NKAIN3: variants seen among roughly 807,000 people sequenced by gnomAD.
NKAIN3 encodes the protein sodium/potassium-transporting ATPase subunit beta-1-interacting protein 3.
Under a neutral mutation model 30.2 loss-of-function variants are expected in NKAIN3, and 25 were observed. That is an observed-to-expected ratio of 0.83 (90% CI 0.60 to 1.16). The LOEUF (loss-of-function observed/expected upper bound fraction) is 1.16, where lower values mean the gene tolerates loss of function less well. NKAIN3 is among the 50% of genes most tolerant of loss of function. The pLI is 0.00. For synonymous variants in NKAIN3, 91 were observed against 89.6 expected, an observed-to-expected ratio of 1.02 and a Z score of -0.09; for missense variants, 225 against 254.1, an observed-to-expected ratio of 0.89 and a Z score of 0.78.
intron 1 of NKAIN3, among the ~76,000 whole-genome samples, chr8:62,440,657 G>T (rs1353053525): frequency 2.0e-5 from 3 of 151,270 alleles, no homozygotes; most frequent in Non-Finnish European, 4.4e-5. Flanking sequence ...ACTCTCTAAC[G>T]ACCATACTCA....
At chr8:62,809,161 G>A (rs187246008) in intron 4 of NKAIN3, among the ~76,000 whole-genome samples, 1 of 152,258 alleles carries the variant, frequency 6.6e-6, no homozygotes, top group Admixed American at 6.5e-5. Context: ...CTTGTTCCCT[G>A]AACATCGCTG....
intron 5 of NKAIN3, among the ~76,000 whole-genome samples, chr8:62,945,547 GA>G (rs1450361842): frequency 6.6e-6 from 1 of 152,166 alleles, no homozygotes; most frequent in Non-Finnish European, 1.5e-5. Context: ...TTGCAAACTG[GA>G]AAGAAGATGA....
At position 62,658,517 on chromosome 8, in the gene NKAIN3, A is replaced by C. The variant is rs1009644776; in HGVS notation, c.273+68723A>C. ...ATGTAAATGCGGTATACCCATTCAT[A>C]TATTATGATGGTTCACTTTTGAATA... On this transcript the variant is annotated intron_variant, in intron 3 of 6. Transcript: ENST00000623646. Among the ~76,000 whole-genome samples the C allele has an allele frequency of 2.6e-5, 4 of 152,298 alleles. No individual in the cohort carries two copies. In the South Asian group the frequency reaches 6.2e-4, roughly 24 times the overall value.
Position 62,249,049 on chromosome 8 carries a change from G to C in NKAIN3, c.-25G>C. ...GGAGGACGAGGATCTCTGGCAGTCA[G>C]CGCCGCTCGGACGCCGCCGGCACCA... On this transcript the variant is annotated 5_prime_UTR_variant, in exon 1 of 7. Coordinates refer to ENST00000623646, the MANE Select transcript of NKAIN3 (RefSeq NM_001304533.3). 4 of 1,532,164 alleles carry C rather than the reference G, an allele frequency of 2.6e-6. No homozygotes were observed. Among genetic ancestry groups the C allele is most frequent in the Non-Finnish European group, 3.5e-6 (4 of 1,141,480 alleles). The allele number at this position is 1,532,164 out of a possible 1,614,324, so 94.9% of individuals were successfully genotyped here.
chr8:62,431,647 A>G (rs929215884), intron 1 of NKAIN3, among the ~76,000 whole-genome samples: 23 of 151,824 alleles, frequency 1.5e-4, no homozygotes, highest in African/African-American at 5.6e-4. Context: ...CTTGTATCTC[A>G]AAAGCGTTAT....
At chr8:62,710,364 A>T (rs555310630) in intron 3 of NKAIN3, among the ~76,000 whole-genome samples, 3 of 152,232 alleles carry the variant, frequency 2.0e-5, no homozygotes, top group Admixed American at 2.0e-4. Flanking sequence ...CTCATTTCTT[A>T]GGTCTATTAG....
chr8:62,802,876 C>T (rs962245678), intron 4 of NKAIN3, among the ~76,000 whole-genome samples: 10 of 152,128 alleles, frequency 6.6e-5, no homozygotes, highest in Admixed American at 2.6e-4. Context: ...ACCCATCTCA[C>T]GTGCAGAGAC....
intron 4 of NKAIN3, among the ~76,000 whole-genome samples, chr8:62,860,008 C>T (rs1030696932): frequency 1.1e-4 from 16 of 152,130 alleles, no homozygotes; most frequent in Non-Finnish European, 7.4e-5. Flanking sequence ...CAGACTGTGT[C>T]TCTATGTTGA....
intron 4 of NKAIN3, among the ~76,000 whole-genome samples, chr8:62,894,401 A>AT (rs1821374841): frequency 1.3e-5 from 2 of 151,962 alleles, no homozygotes; most frequent in Non-Finnish European, 2.9e-5. Context: ...GGAACTCAAG[A>AT]TTTTCACATT....
intron 5 of NKAIN3, among the ~76,000 whole-genome samples, chr8:62,940,330 T>C (rs1006354856): frequency 6.6e-6 from 1 of 152,076 alleles, no homozygotes; most frequent in Admixed American, 6.6e-5. Flanking sequence ...GGGACTTCAA[T>C]ACTCCATGGA....
At chr8:62,794,258 A>G (rs1033850753) in intron 4 of NKAIN3, among the ~76,000 whole-genome samples, 6 of 152,182 alleles carry the variant, frequency 3.9e-5, no homozygotes, top group African/African-American at 1.4e-4. Context: ...TTTTTTTAAC[A>G]TGTCCAGATT....
chr8:62,679,134 A>G (rs1347225809), intron 3 of NKAIN3, among the ~76,000 whole-genome samples: 2 of 152,208 alleles, frequency 1.3e-5, no homozygotes, highest in Admixed American at 6.5e-5. Flanking sequence ...ATATATTCCA[A>G]TATCCAGACT....
intron 3 of NKAIN3, among the ~76,000 whole-genome samples, chr8:62,708,498 G>T (rs1255393782): frequency 6.6e-6 from 1 of 151,984 alleles, no homozygotes; most frequent in East Asian, 1.9e-4. Context: ...TAAAAGGGTT[G>T]ACTTCTTGAT....
rs770702096 is a variant in NKAIN3 at position 62,973,069 on chromosome 8, C to T, written c.*7662C>T. 3.0e-4 allele frequency among the ~76,000 whole-genome samples: 45 copies of T among 152,258 alleles called. No individual in the cohort carries two copies. Among genetic ancestry groups the T allele is most frequent in the Middle Eastern group, 3.4e-3 (1 of 294 alleles). On this transcript the variant is annotated 3_prime_UTR_variant, in exon 7 of 7. Transcript: ENST00000623646. ...GCCACATTTTCTTTATCCGTTCTAACATTGATGGGCATTTGGGTTGGTTCC... is the reference window on the plus strand; with the variant it reads ...GCCACATTTTCTTTATCCGTTCTAATATTGATGGGCATTTGGGTTGGTTCC...
intron 3 of NKAIN3, among the ~76,000 whole-genome samples, chr8:62,606,977 A>C (rs1184849157): frequency 6.6e-6 from 1 of 152,154 alleles, no homozygotes; most frequent in Non-Finnish European, 1.5e-5. Flanking sequence ...GTTCAGTATA[A>C]AATGCAGGCA....
At chr8:62,800,386 TA>T (rs995806778) in intron 4 of NKAIN3, among the ~76,000 whole-genome samples, 3 of 152,090 alleles carry the variant, frequency 2.0e-5, no homozygotes, top group Non-Finnish European at 4.4e-5. Context: ...GACTCTGGAG[TA>T]AGACCAAAGA....
chr8:62,890,175 C>A (rs767034774), intron 4 of NKAIN3, among the ~76,000 whole-genome samples: 10 of 152,128 alleles, frequency 6.6e-5, no homozygotes, highest in Non-Finnish European at 1.3e-4. Flanking sequence ...TGATAAGCTC[C>A]CTTGGAAGGA....
At chr8:62,434,331 G>A (rs1466194818) in intron 1 of NKAIN3, among the ~76,000 whole-genome samples, 1 of 152,122 alleles carries the variant, frequency 6.6e-6, no homozygotes, top group Non-Finnish European at 1.5e-5. Context: ...CAACAGTTAT[G>A]AGGAGCTTAG....
At chr8:62,502,322 C>T (rs967956096) in intron 1 of NKAIN3, among the ~76,000 whole-genome samples, 3 of 152,128 alleles carry the variant, frequency 2.0e-5, no homozygotes, top group African/African-American at 7.2e-5. Flanking sequence ...CTCCTTACCA[C>T]TCAACTCCAC....
Sources: gnomAD v4.1 joint callset for allele counts (sites outside exome capture counted in the v4.1 genomes callset) on GRCh38, gnomAD v4.1.1 for gene constraint, MANE v1.5 for transcripts, NCBI Gene and HGNC (gene_info 2026-07-23, HGNC 2026-07-21) for gene names.